Variants in KCNN2 observed in about 807,000 individuals in gnomAD.
KCNN2 encodes the protein small conductance calcium-activated potassium channel protein 2.
Under a neutral mutation model 55.5 loss-of-function variants are expected in KCNN2, and 24 were observed. That is an observed-to-expected ratio of 0.43 (90% CI 0.31 to 0.61). KCNN2 has a LOEUF of 0.61. KCNN2 is among the 20% of genes least tolerant of loss of function. KCNN2 has a pLI of 0.08. For synonymous variants in KCNN2, 431 were observed against 336.1 expected (o/e 1.28, Z -3.09); for missense variants, 754 against 853.6 (o/e 0.88, Z 1.45).
chr5:114,411,362 A>G (rs1759126141), intron 3 of KCNN2, among the ~76,000 whole-genome samples: 1 of 152,138 alleles, frequency 6.6e-6, no homozygotes, highest in Non-Finnish European at 1.5e-5. Flanking sequence ...TAAATATATG[A>G]GAGGAGATTT....
chr5:114,234,026 C>CTT (rs565192593), intron 2 of KCNN2, among the ~76,000 whole-genome samples: 5 of 145,244 alleles, frequency 3.4e-5, no homozygotes, highest in African/African-American at 5.0e-5. Context: ...TTGGCTCTAG[C>CTT]TTTTTTTTTT....
At chr5:114,407,769 G>C (rs1164886379) in intron 3 of KCNN2, among the ~76,000 whole-genome samples, 2 of 152,156 alleles carry the variant, frequency 1.3e-5, no homozygotes, top group East Asian at 3.8e-4. Context: ...TGAAACACAG[G>C]GCAAAGAAGA....
At chr5:114,161,710 C>CT (rs1752788722) in intron 1 of KCNN2, among the ~76,000 whole-genome samples, 1 of 152,142 alleles carries the variant, frequency 6.6e-6, no homozygotes, top group Admixed American at 6.5e-5. Flanking sequence ...TCTCCATATT[C>CT]TTTTTTCTCT....
At chr5:114,432,695 C>T (rs943292095) in intron 3 of KCNN2, among the ~76,000 whole-genome samples, 2 of 152,144 alleles carry the variant, frequency 1.3e-5, no homozygotes, top group African/African-American at 2.4e-5. Context: ...GAGGCGCGAG[C>T]GGGAACCGGG....
chr5:114,475,959 T>TAAGTA (rs1761945389), intron 5 of KCNN2, among the ~76,000 whole-genome samples: 2 of 152,226 alleles, frequency 1.3e-5, no homozygotes, highest in Admixed American at 1.3e-4. Flanking sequence ...GCTTTTTCAT[T>TAAGTA]AAGTACTGTT....
chr5:114,138,708 C>T (rs183835273), intron 1 of KCNN2, among the ~76,000 whole-genome samples: 2 of 152,254 alleles, frequency 1.3e-5, no homozygotes, highest in East Asian at 3.9e-4. Flanking sequence ...AGATCCATTT[C>T]CACTGTATAG....
Position 114,397,698 on chromosome 5 carries a change from T to C in KCNN2, c.1219-6740T>C, listed in dbSNP as rs530915519. Among the ~76,000 whole-genome samples, 4 of 152,302 alleles carry C rather than the reference T, an allele frequency of 2.6e-5. No individual in the cohort carries two copies. The South Asian group carries it at 8.3e-4, about 32-fold the overall frequency. ...CTACCATGCCTGGCCACATCTATTA[T>C]TTTTTGACTTTGTAATAATAGCCAT... On this transcript the variant is annotated intron_variant, in intron 2 of 7. Coordinates refer to ENST00000673685, the MANE Select transcript of KCNN2 (RefSeq NM_021614.4).
chr5:114,430,767 C>A (rs976709782), intron 3 of KCNN2, among the ~76,000 whole-genome samples: 1 of 151,926 alleles, frequency 6.6e-6, no homozygotes, highest in African/African-American at 2.4e-5. Flanking sequence ...AGGAAATTCC[C>A]CTCTATTCTT....
intron 1 of KCNN2, among the ~76,000 whole-genome samples, chr5:114,168,699 G>A (rs1011239137): frequency 3.4e-4 from 51 of 152,080 alleles, no homozygotes; most frequent in African/African-American, 8.7e-4. Context: ...GTTCTGCAGC[G>A]TGTAGCAAAA....
chr5:114,439,715 A>T (rs373362400), intron 3 of KCNN2, among the ~76,000 whole-genome samples: 21 of 152,186 alleles, frequency 1.4e-4, no homozygotes, highest in East Asian at 9.6e-4. Flanking sequence ...CTCTAAAGGG[A>T]TATACCTATA....
rs183635592 is a variant in KCNN2 at position 114,425,007 on chromosome 5, C to T, written c.1637+20151C>T. On this transcript the variant is annotated intron_variant, in intron 3 of 7. Coordinates refer to ENST00000673685, the MANE Select transcript of KCNN2 (RefSeq NM_021614.4). Reference sequence around the variant, plus strand: ...GGGGAAGAAGAAAGGACAAATACGTCAAGGCTCAAGTCACAGAAAGGGAAG... The same window carrying T: ...GGGGAAGAAGAAAGGACAAATACGTTAAGGCTCAAGTCACAGAAAGGGAAG... Among the ~76,000 whole-genome samples, 8 of 152,210 alleles carry T rather than the reference C, an allele frequency of 5.3e-5. No homozygotes were observed. The East Asian group carries it at 1.4e-3, about 26-fold the overall frequency.
intron 2 of KCNN2, among the ~76,000 whole-genome samples, chr5:114,304,431 AC>A (rs1370919707): frequency 6.6e-6 from 1 of 152,138 alleles, no homozygotes; most frequent in Non-Finnish European, 1.5e-5. Flanking sequence ...TACTGAGCCT[AC>A]CCACCCTTAT....
chr5:114,128,666 T>C (rs1200253011), intron 1 of KCNN2, among the ~76,000 whole-genome samples: 2 of 152,212 alleles, frequency 1.3e-5, no homozygotes, highest in Admixed American at 6.5e-5. Flanking sequence ...AGCTGAGACA[T>C]TGAAGCTATG....
chr5:114,056,319 G>C, exon 1 of KCNN2: 1 of 398,584 alleles, frequency 2.5e-6, no homozygotes, highest in Non-Finnish European at 4.4e-6. Flanking sequence ...AGAGGCAGAT[G>C]GTCCTGGCTA....
chr5:114,338,326 T>C (rs2150035593), intron 2 of KCNN2, among the ~76,000 whole-genome samples: 1 of 152,316 alleles, frequency 6.6e-6, no homozygotes, highest in South Asian at 2.1e-4. Context: ...CTTCTAAATA[T>C]GTACACGTAT....
chr5:114,177,224 G>T (rs921708027), intron 1 of KCNN2, among the ~76,000 whole-genome samples: 2 of 148,494 alleles, frequency 1.3e-5, no homozygotes, highest in African/African-American at 2.5e-5. Context: ...TGCAAGCTCC[G>T]CCTCCCGGGA....
chr5:114,336,562 C>T (rs1283793562), intron 2 of KCNN2, among the ~76,000 whole-genome samples: 2 of 152,144 alleles, frequency 1.3e-5, no homozygotes, highest in African/African-American at 2.4e-5. Flanking sequence ...GCCTTGCATT[C>T]TAGTGGAAGA....
chr5:114,112,588 G>C (rs995004138), intron 1 of KCNN2, among the ~76,000 whole-genome samples: 1 of 151,994 alleles, frequency 6.6e-6, no homozygotes, highest in African/African-American at 2.4e-5. Flanking sequence ...TTGGGCCTGA[G>C]ATACTTTTTG....
At chr5:114,352,954 A>C (rs1026078040) in intron 2 of KCNN2, among the ~76,000 whole-genome samples, 5 of 151,916 alleles carry the variant, frequency 3.3e-5, no homozygotes, top group Admixed American at 3.3e-4. Context: ...AATCCTCTGC[A>C]TAGCTGTTCT....
Sources: allele counts gnomAD v4.1 joint callset (sites outside exome capture counted in the v4.1 genomes callset), GRCh38; gene constraint gnomAD v4.1.1; transcripts MANE v1.5; gene names NCBI Gene and HGNC (gene_info 2026-07-23, HGNC 2026-07-21).